Variants in U2AF2 observed in about 807,000 individuals in gnomAD.
U2AF2 encodes splicing factor U2AF 65 kDa subunit.
U2AF2 carries 6 observed loss-of-function variants against 52.6 expected under a neutral mutation model. The observed-to-expected ratio is 0.11, with a 90% CI of 0.06 to 0.23. The LOEUF is 0.23. Among genes scored for constraint, U2AF2 ranks in the 10% least tolerant of loss-of-function variants. The pLI, the probability that U2AF2 is intolerant of heterozygous loss-of-function variation, is 1.00. For missense variants in U2AF2, 222 were observed against 677.1 expected (o/e 0.33, Z 7.46); for synonymous variants, 284 against 258.2 (o/e 1.10, Z -0.96).
At chr19:55,672,922 C>T (rs1027709886) in intron 11 of U2AF2, among the ~76,000 whole-genome samples, 2 of 151,414 alleles carry the variant, frequency 1.3e-5, no homozygotes, top group Admixed American at 6.6e-5. Context: ...GGATTACAGG[C>T]GTGAGCCACC....
At chr19:55,667,872 G>A (rs962593408) in intron 7 of U2AF2, among the ~76,000 whole-genome samples, 3 of 151,054 alleles carry the variant, frequency 2.0e-5, no homozygotes, top group Non-Finnish European at 2.9e-5. Context: ...TGCAACCTCC[G>A]CCTCCTGGGT....
rs1984680789 is a variant in U2AF2, at chr19:55,668,482, AAG to A, written c.743-24_743-23del. 1 of 1,551,296 alleles carries A rather than the reference AAG, an allele frequency of 6.4e-7. No homozygotes were observed. The highest frequency in any genetic ancestry group is 1.4e-5 in the African/African-American group (1 of 72,974). ...GGGAGATAACCTGGTACTGGAATTG[AAG>A]TCCTCCTCTTCTCTACCCATAGGGG... On this transcript the variant is annotated intron_variant, in intron 7 of 11. Transcript: ENST00000308924. The surrounding 1 kb of genome is among the most constrained non-coding windows in gnomAD (Gnocchi z 5.5).
intron 5 of U2AF2, 113 bp from the exon 6 acceptor site, chr19:55,662,388 CT>C (rs1440249105): frequency 1.1e-5 from 2 of 187,590 alleles, no homozygotes; most frequent in African/African-American, 5.2e-5. Context: ...CCTCCCTCCC[CT>C]CATCCCTCTC....
At chr19:55,659,420 G>C (rs924896613) in intron 2 of U2AF2, 75 bp downstream of exon 2, 5 of 1,390,476 alleles carry the variant, frequency 3.6e-6, no homozygotes, top group African/African-American at 1.5e-5. Flanking sequence ...TGGGTGGCCT[G>C]TGTGTGTCTG....
rs573781476 is a variant in U2AF2, at chr19:55,669,381, C to T, written c.1045-63C>T. On this transcript the variant is annotated intron_variant, in intron 10 of 11. Coordinates refer to ENST00000308924, the MANE Select transcript of U2AF2 (RefSeq NM_007279.3). The stretch of plus-strand genomic sequence containing the variant: ...TGGGGGGGCATGTGAGGGGCCTAGG[C>T]TTGAGCAGAGGGAGACTGGGTCTGG... 2.7e-5 allele frequency: 42 copies of T among 1,555,980 alleles called. No homozygotes were observed. The South Asian group carries it at 5.0e-4, about 19-fold the overall frequency.
chr19:55,663,786 C>A (rs775180554), intron 7 of U2AF2, 42 bp downstream of exon 7: 1 of 1,610,656 alleles, frequency 6.2e-7, no homozygotes, highest in Non-Finnish European at 8.5e-7. Context: ...TCCCCCAGTC[C>A]TGTTCCCATG....
At chr19:55,655,868 C>T (rs939700256) in intron 1 of U2AF2, among the ~76,000 whole-genome samples, 6 of 152,232 alleles carry the variant, frequency 3.9e-5, no homozygotes, top group Non-Finnish European at 8.8e-5. Flanking sequence ...ATATGCGGGG[C>T]TTTTGGCGGT....
At chr19:55,655,589 CTT>C (rs1248477633) in intron 1 of U2AF2, among the ~76,000 whole-genome samples, 1 of 152,294 alleles carries the variant, frequency 6.6e-6, no homozygotes, top group African/African-American at 2.4e-5. Context: ...TCCACGCCCC[CTT>C]TGTTTCCAAA....
chr19:55,659,982 C>G (rs553223448), intron 2 of U2AF2, among the ~76,000 whole-genome samples, 195 bp from the exon 3 acceptor site: 1 of 152,226 alleles, frequency 6.6e-6, no homozygotes, highest in East Asian at 1.9e-4. Flanking sequence ...CCCCTTTCTC[C>G]TTTCCTCACT....
rs185591895 is a variant in U2AF2, at chr19:55,662,745, G to A, written c.603+127G>A. On this transcript the variant is annotated intron_variant, in intron 6 of 11. Transcript: ENST00000308924. ...GCCCTCTGCAGCCTCTTCTCCACCCGGTCGCTGAAGTGAGCCCTGTTATAG... is the reference window on the plus strand; with the variant it reads ...GCCCTCTGCAGCCTCTTCTCCACCCAGTCGCTGAAGTGAGCCCTGTTATAG... 1.5e-4 allele frequency: 119 copies of A among 775,186 alleles called. 1 individual carries two copies. In the East Asian group the frequency reaches 2.6e-3, roughly 17 times the overall value. The allele number at this position is 775,186 out of a possible 1,614,324, so 48.0% of individuals were successfully genotyped here.
chr19:55,674,196 A>C lies in U2AF2; in HGVS notation c.*128A>C. 3 of 287,742 alleles carry C rather than the reference A, an allele frequency of 1.0e-5. No homozygotes were observed. Among genetic ancestry groups the C allele is most frequent in the Non-Finnish European group, 9.7e-6 (2 of 207,052 alleles). The allele number at this position is 287,742 out of a possible 1,614,324, so 17.8% of individuals were successfully genotyped here. On this transcript the variant is annotated 3_prime_UTR_variant, in exon 12 of 12. Transcript: ENST00000308924. ...CGCAGACACACGACAGCCGGCAGCA[A>C]CTGGAATGGCAGCAATTAAGGGTGG...
chr19:55,673,011 C>T (rs994827952), intron 11 of U2AF2, among the ~76,000 whole-genome samples: 3 of 151,438 alleles, frequency 2.0e-5, no homozygotes, highest in African/African-American at 4.9e-5. Flanking sequence ...GGCGCAATCT[C>T]GGCTCACTGC....
rs773463427 is a variant in U2AF2 at position 55,661,227 on chromosome 19, C to A, written c.486+38C>A. ...CCTGCCCCCTACCCTCTCCCTTGTC[C>A]CTCTACCCCGTTCCTCCCCTTCCCT... On this transcript the variant is annotated intron_variant, in intron 5 of 11. Transcript: ENST00000308924. 1.9e-5 allele frequency: 28 copies of A among 1,509,152 alleles called. No homozygotes were observed. The East Asian group carries it at 7.0e-4, about 38-fold the overall frequency. The allele number at this position is 1,509,152 out of a possible 1,614,324, so 93.5% of individuals were successfully genotyped here.
intron 11 of U2AF2, among the ~76,000 whole-genome samples, chr19:55,671,084 G>T (rs1184587013): frequency 2.0e-5 from 3 of 152,178 alleles, no homozygotes; most frequent in African/African-American, 7.2e-5. Context: ...GGAGTTGGTG[G>T]CCTTTTGAAG....
intron 3 of U2AF2, 42 bp downstream of exon 3, chr19:55,660,263 C>G: frequency 6.2e-7 from 1 of 1,600,116 alleles, no homozygotes. Flanking sequence ...ATGTCCACTC[C>G]CTTCACCTTC....
At chr19:55,657,221 G>C (rs926024237) in intron 1 of U2AF2, among the ~76,000 whole-genome samples, 7 of 152,204 alleles carry the variant, frequency 4.6e-5, no homozygotes, top group Non-Finnish European at 1.0e-4. Context: ...CTGGGTTGGC[G>C]GAGCTGCTCC....
chr19:55,659,470 T>C (rs1036950185), intron 2 of U2AF2, 125 bp downstream of exon 2: 2 of 1,240,410 alleles, frequency 1.6e-6, no homozygotes, highest in Non-Finnish European at 2.1e-6. Flanking sequence ...TCGTTCTTTG[T>C]GTGGATCTGG....
At chr19:55,665,043 G>A (rs925587922) in intron 7 of U2AF2, among the ~76,000 whole-genome samples, 4 of 152,162 alleles carry the variant, frequency 2.6e-5, no homozygotes, top group African/African-American at 9.7e-5. Flanking sequence ...ATGGGTTTTG[G>A]TAAATTCAGC....
At position 55,667,220 on chromosome 19, in the gene U2AF2, C is replaced by T. The variant is rs537777639; in HGVS notation, c.743-1287C>T. ...GGAGAGGGTGTGTGGGGGCATCTCC[C>T]CTCCTTCCATGGGCACAGCGGCTCA... On this transcript the variant is annotated intron_variant, in intron 7 of 11. Transcript: ENST00000308924. 2.0e-5 allele frequency among the ~76,000 whole-genome samples: 3 copies of T among 152,200 alleles called. No homozygotes were observed. In the East Asian group the frequency reaches 5.8e-4, roughly 29 times the overall value.
Sources: allele counts gnomAD v4.1 joint callset (sites outside exome capture counted in the v4.1 genomes callset), GRCh38; gene constraint gnomAD v4.1.1; non-coding constraint Gnocchi (gnomAD v3.1); transcripts MANE v1.5; gene names NCBI Gene and HGNC (gene_info 2026-07-23, HGNC 2026-07-21).